Variants in KIF5C observed in about 807,000 individuals in gnomAD.
The protein encoded by KIF5C is kinesin family member 5C, also known as kinesin heavy chain isoform 5C.
Under a neutral mutation model 125.2 loss-of-function variants are expected in KIF5C, and 18 were observed. That is an observed-to-expected ratio of 0.14 (90% confidence interval 0.10 to 0.21). The LOEUF is 0.21. Among genes scored for constraint, KIF5C ranks in the 10% least tolerant of loss-of-function variants. The pLI is 1.00. For missense variants in KIF5C, 780 were observed against 1,183.8 expected (o/e 0.66, Z 5.01); for synonymous variants, 405 against 434.0 (o/e 0.93, Z 0.83).
chr2:148,951,522 G>A (rs1289381014), intron 10 of KIF5C, among the ~76,000 whole-genome samples: 1 of 152,078 alleles, frequency 6.6e-6, no homozygotes, highest in African/African-American at 2.4e-5. Flanking sequence ...CAGTGTTTAG[G>A]TTCTATCCTT....
intron 10 of KIF5C, among the ~76,000 whole-genome samples, chr2:148,958,086 AG>A (rs140558704): frequency 1.5e-3 from 221 of 152,332 alleles, no homozygotes; most frequent in African/African-American, 5.0e-3. Context: ...TATGGCTTAT[AG>A]GTATCCATTC....
At chr2:149,002,266 G>A (rs1176247664) in intron 21 of KIF5C, among the ~76,000 whole-genome samples, 1 of 152,144 alleles carries the variant, frequency 6.6e-6, no homozygotes, top group Non-Finnish European at 1.5e-5. Context: ...ATATCCGTGA[G>A]CTCTCAGGCA....
At chr2:149,001,585 C>T (rs989690729) in intron 21 of KIF5C, among the ~76,000 whole-genome samples, 1 of 152,148 alleles carries the variant, frequency 6.6e-6, no homozygotes, top group African/African-American at 2.4e-5. Flanking sequence ...TTATTTGAAA[C>T]CCTGGTTGGT....
intron 1 of KIF5C, among the ~76,000 whole-genome samples, chr2:148,884,720 T>C (rs1473332326): frequency 1.3e-5 from 2 of 152,238 alleles, no homozygotes; most frequent in Non-Finnish European, 2.9e-5. Flanking sequence ...AATTCCTTAC[T>C]ATCAAATACC....
chr2:148,941,981 G>T lies in KIF5C; in HGVS notation c.492G>T (p.Pro164=), dbSNP rs1361877888. The change falls in exon 6 of 26, where the codon CCG becomes CCT. Residue 164 remains proline, a synonymous_variant. Coordinates refer to ENST00000435030, the MANE Select transcript of KIF5C (RefSeq NM_004522.3). ...LAVHEDKNRV[P]YVKGCTERFV... ...TTCATGAAGATAAAAACAGAGTCCC[G>T]TATGTAAAGGTATGAGGAAGATTTG... 1 of 1,611,410 alleles carries T rather than the reference G, an allele frequency of 6.2e-7. No homozygotes were observed. The highest frequency in any genetic ancestry group is 1.3e-5 in the African/African-American group (1 of 74,834).
chr2:149,010,034 A>G (rs1453467783), intron 23 of KIF5C, 101 bp from the exon 24 acceptor site: 36 of 1,452,832 alleles, frequency 2.5e-5, no homozygotes, highest in Non-Finnish European at 3.0e-5. Flanking sequence ...ACAACCTAGC[A>G]GGGGCCACCT....
intron 23 of KIF5C, among the ~76,000 whole-genome samples, chr2:149,008,990 T>C (rs1682097959): frequency 6.9e-6 from 1 of 144,756 alleles, no homozygotes; most frequent in Admixed American, 6.8e-5. Context: ...TTTTTTTTAA[T>C]GTTTTTTTTT....
chr2:148,962,342 T>A (rs1682948251), intron 11 of KIF5C, among the ~76,000 whole-genome samples: 2 of 100,276 alleles, frequency 2.0e-5, no homozygotes, highest in Non-Finnish European at 3.9e-5. Context: ...ATTTTTGTAA[T>A]TTTTTTTTTT....
intron 1 of KIF5C, chr2:148,885,614 T>C (rs975884368): frequency 2.0e-5 from 3 of 152,186 alleles, no homozygotes; most frequent in Non-Finnish European, 2.9e-5. Flanking sequence ...AGAAAGCATA[T>C]ATGTGAGAGC....
At chr2:148,985,803 G>A (rs1005723547) in intron 15 of KIF5C, among the ~76,000 whole-genome samples, 13 of 152,138 alleles carry the variant, frequency 8.5e-5, no homozygotes, top group South Asian at 2.1e-4. Flanking sequence ...GTTGAAAGCC[G>A]TTTTTGGATG....
chr2:148,916,543 G>A (rs2105074587), intron 1 of KIF5C, among the ~76,000 whole-genome samples: 1 of 152,254 alleles, frequency 6.6e-6, no homozygotes, highest in South Asian at 2.1e-4. Flanking sequence ...GGTACATTGT[G>A]AATGACCGTC....
chr2:148,942,185 A>G (rs78597522), intron 6 of KIF5C, among the ~76,000 whole-genome samples, 195 bp downstream of exon 6: 422 of 152,314 alleles, frequency 2.8e-3, no homozygotes, highest in African/African-American at 9.7e-3. Flanking sequence ...TTATGACATT[A>G]TTATTTAATA....
chr2:148,997,220 T>C, intron 17 of KIF5C, 44 bp from the exon 18 acceptor site: 1 of 1,591,422 alleles, frequency 6.3e-7, no homozygotes, highest in South Asian at 1.1e-5. Flanking sequence ...TGGGTGTGAG[T>C]CCCACCAGTT....
intron 23 of KIF5C, 109 bp downstream of exon 23, chr2:149,008,176 G>C: frequency 7.5e-7 from 1 of 1,340,766 alleles, no homozygotes; most frequent in Non-Finnish European, 9.8e-7. Context: ...GAAGGTAAAA[G>C]AACTGTACAC....
chr2:148,892,652 C>T (rs1038514429), intron 1 of KIF5C, among the ~76,000 whole-genome samples: 14 of 152,220 alleles, frequency 9.2e-5, no homozygotes, highest in Admixed American at 9.2e-4. Context: ...GGTGCATTTA[C>T]TTGGAAACCT....
chr2:148,937,438 G>T, intron 4 of KIF5C, 50 bp downstream of exon 4: 1 of 1,536,656 alleles, frequency 6.5e-7, no homozygotes, highest in Non-Finnish European at 8.8e-7. Flanking sequence ...CCCAGATAAC[G>T]TTTCTTATAC....
intron 7 of KIF5C, among the ~76,000 whole-genome samples, chr2:148,945,877 T>C (rs976975365): frequency 3.3e-5 from 5 of 152,228 alleles, no homozygotes; most frequent in African/African-American, 4.8e-5. Context: ...GAAATTTTGA[T>C]AGAGATTGCC....
In KIF5C at chr2:148,936,932, A is replaced by G. The variant is rs567165186; in HGVS notation, c.292-352A>G. Among the ~76,000 whole-genome samples the G allele has an allele frequency of 1.5e-4, 23 of 152,224 alleles. No individual in the cohort carries two copies. In the East Asian group the frequency reaches 4.1e-3, roughly 27 times the overall value. ...TTGTAAATACTCAAAACCCAAACCC[A>G]TATATTCTCGTTCCTTCTCCTGCTC... On this transcript the variant is annotated intron_variant, in intron 3 of 25. Coordinates refer to ENST00000435030, the MANE Select transcript of KIF5C (RefSeq NM_004522.3).
chr2:148,913,016 A>C (rs1681402748), intron 1 of KIF5C, among the ~76,000 whole-genome samples: 1 of 152,212 alleles, frequency 6.6e-6, no homozygotes, highest in Non-Finnish European at 1.5e-5. Context: ...ACCCATTGTG[A>C]TATAGACATC....
Sources: gnomAD v4.1 joint callset for allele counts (sites outside exome capture counted in the v4.1 genomes callset) on GRCh38, gnomAD v4.1.1 for gene constraint, MANE v1.5 for transcripts, NCBI Gene and HGNC (gene_info 2026-07-23, HGNC 2026-07-21) for gene names.